Variants in TAS2R10 observed in about 807,000 individuals in gnomAD.
TAS2R10 encodes taste receptor type 2 member 10.
For synonymous variants in TAS2R10, 144 were observed against 126.6 expected (o/e 1.14, Z -0.92); for missense variants, 385 against 362.0 (o/e 1.06, Z -0.52).
chr12:10,825,617 T>G (rs749920889), exon 1 of TAS2R10: 22 of 1,613,734 alleles, frequency 1.4e-5, no homozygotes, highest in Non-Finnish European at 1.8e-5. Context: ...AGCTTCTGTG[T>G]TGGAGTCTCT....
exon 1 of TAS2R10, chr12:10,825,772 C>G: frequency 6.2e-7 from 1 of 1,613,324 alleles, no homozygotes; most frequent in Non-Finnish European, 8.5e-7. Context: ...CACTTTTATA[C>G]ATGTTGAGAT....
the TAS2R10 span, chr12:10,826,236 CA>C: frequency 6.2e-7 from 1 of 1,610,516 alleles, no homozygotes; most frequent in East Asian, 2.2e-5. Flanking sequence ...CTAACTACAA[CA>C]AAAATGAAGA....
chr12:10,826,357 T>G, exon 1 of TAS2R10: 2 of 906,100 alleles, frequency 2.2e-6, no homozygotes, highest in African/African-American at 1.7e-5. Flanking sequence ...TCGACGGAAG[T>G]GTGACTTTCT....
At chr12:10,825,955 G>A (rs756158638) in exon 1 of TAS2R10, 1 of 1,613,706 alleles carries the variant, frequency 6.2e-7, no homozygotes, top group Admixed American at 1.7e-5. Flanking sequence ...TCAGGAAATA[G>A]AAGATGCTGA....
exon 1 of TAS2R10, chr12:10,825,663 G>A (rs1170374353): frequency 1.2e-6 from 2 of 1,613,606 alleles, no homozygotes; most frequent in African/African-American, 1.3e-5. Context: ...TGCCTGTTGT[G>A]TCTCCAAAGG....
At chr12:10,826,281 C>T (rs1185614131) in exon 1 of TAS2R10, 7 of 1,557,378 alleles carry the variant, frequency 4.5e-6, no homozygotes, top group Non-Finnish European at 6.1e-6. Flanking sequence ...TCTGCTAATT[C>T]TTAATATTGC....
chr12:10,825,752 ATAAAG>A, the TAS2R10 span: 18 of 1,613,406 alleles, frequency 1.1e-5, no homozygotes, highest in African/African-American at 5.3e-5. Context: ...AATCTGTTTA[ATAAAG>A]TATTCACTTT....
At chr12:10,826,011 AG>A in the TAS2R10 span, 21 of 1,613,632 alleles carry the variant, frequency 1.3e-5, no homozygotes, top group South Asian at 2.3e-4. Context: ...ATTACCCAAA[AG>A]TAACTAATAT....
At chr12:10,825,981 A>G (rs1168597570) in exon 1 of TAS2R10, 3 of 1,613,606 alleles carry the variant, frequency 1.9e-6, no homozygotes, top group Non-Finnish European at 2.5e-6. Flanking sequence ...GTGGCAAACC[A>G]CATACTTGAT....
rs1423547191 is a variant in TAS2R10, at chr12:10,826,291, C to T, written c.-22G>A. Reference sequence around the variant, plus strand: ...GCATATCTGCTAATTCTTAATATTGCTTCTGTTACATCTATCTTAGATTAC... The same window carrying T: ...GCATATCTGCTAATTCTTAATATTGTTTCTGTTACATCTATCTTAGATTAC... On this transcript the variant is annotated 5_prime_UTR_variant, in exon 1 of 1. Transcript: ENST00000240619. 2.0e-6 allele frequency: 3 copies of T among 1,526,090 alleles called. No individual in the cohort carries two copies. In the Admixed American group the frequency reaches 5.4e-5, roughly 28 times the overall value. The allele number at this position is 1,526,090 out of a possible 1,614,324, so 94.5% of individuals were successfully genotyped here. A position where few individuals can be genotyped will look rare whatever the true frequency, so the allele number is the denominator to read the frequency against.
At chr12:10,826,202 C>T in exon 1 of TAS2R10, 1 of 1,613,246 alleles carries the variant, frequency 6.2e-7, no homozygotes, top group South Asian at 1.1e-5. Flanking sequence ...AAATCCATTC[C>T]CCAAAACCCC....
exon 1 of TAS2R10, chr12:10,825,773 A>G (rs1284366675): frequency 3.1e-6 from 5 of 1,613,302 alleles, no homozygotes; most frequent in Admixed American, 3.3e-5. Flanking sequence ...ACTTTTATAC[A>G]TGTTGAGATC....
exon 1 of TAS2R10, chr12:10,825,703 G>C: frequency 6.2e-7 from 1 of 1,613,358 alleles, no homozygotes; most frequent in Non-Finnish European, 8.5e-7. Context: ...ATGTAATTAG[G>C]GATAGTGTAA....
exon 1 of TAS2R10, chr12:10,825,661 G>C (rs192992617): frequency 3.1e-6 from 5 of 1,613,524 alleles, no homozygotes; most frequent in Non-Finnish European, 4.2e-6. Flanking sequence ...TCTGCCTGTT[G>C]TGTCTCCAAA....
chr12:10,825,539 G>A (rs768369780), exon 1 of TAS2R10: 1 of 1,613,570 alleles, frequency 6.2e-7, no homozygotes, highest in Non-Finnish European at 8.5e-7. Flanking sequence ...TATTTCTATG[G>A]CCATGCCTAT....
exon 1 of TAS2R10, chr12:10,825,762 C>T: frequency 6.2e-7 from 1 of 1,613,136 alleles, no homozygotes; most frequent in East Asian, 2.2e-5. Flanking sequence ...ATAAAGTATT[C>T]ACTTTTATAC....
chr12:10,825,376 A>G (rs775345448), exon 1 of TAS2R10: 2 of 1,610,798 alleles, frequency 1.2e-6, no homozygotes, highest in Non-Finnish European at 1.7e-6. Flanking sequence ...TCCTTTTCTC[A>G]CAGCACTTCA....
chr12:10,825,772 C>T (rs757975415), exon 1 of TAS2R10: 3 of 1,613,324 alleles, frequency 1.9e-6, no homozygotes, highest in East Asian at 2.2e-5. Flanking sequence ...CACTTTTATA[C>T]ATGTTGAGAT....
Position 10,826,298 on chromosome 12 carries a change from T to G in TAS2R10, c.-29A>C. On this transcript the variant is annotated 5_prime_UTR_variant, in exon 1 of 1. The change abolishes the stop of an existing upstream ORF in the 5' untranslated region. Coordinates refer to ENST00000240619, the Ensembl canonical transcript of TAS2R10. The stretch of plus-strand genomic sequence containing the variant: ...TGCTAATTCTTAATATTGCTTCTGT[T>G]ACATCTATCTTAGATTACCTGCTGC... 6.7e-7 allele frequency: 1 copy of G among 1,494,208 alleles called. No individual in the cohort carries two copies. The highest frequency in any genetic ancestry group is 9.1e-7 in the Non-Finnish European group (1 of 1,094,574). The allele number at this position is 1,494,208 out of a possible 1,614,324, so 92.6% of individuals were successfully genotyped here.
Sources: allele counts gnomAD v4.1 joint callset, GRCh38; gene constraint gnomAD v4.1.1; transcripts MANE v1.5; gene names NCBI Gene and HGNC (gene_info 2026-07-23, HGNC 2026-07-21).